GIN1: variants seen among roughly 807,000 people sequenced by gnomAD.
GIN1 encodes gypsy retrotransposon integrase 1, also known as gypsy retrotransposon integrase-like protein 1.
A neutral mutation model predicts 51.4 loss-of-function variants in GIN1; 41 were observed. The ratio of observed to expected loss-of-function variants is 0.80; its 90% CI spans 0.62 to 1.04. The LOEUF (loss-of-function observed/expected upper bound fraction) is 1.04. GIN1 is among the 50% of genes least tolerant of loss of function. GIN1 has a pLI of 0.00. For synonymous variants in GIN1, 222 were observed against 206.5 expected (o/e 1.07, Z -0.64); for missense variants, 610 against 612.4 (o/e 1.00, Z 0.04).
intron 1 of GIN1, among the ~76,000 whole-genome samples, chr5:103,114,105 C>T (rs548625150): frequency 6.6e-6 from 1 of 152,248 alleles, no homozygotes; most frequent in South Asian, 2.1e-4. Flanking sequence ...TTTCTCCAGC[C>T]CCTCATCATA....
At chr5:103,108,030 C>G (rs1554196528) in intron 2 of GIN1, among the ~76,000 whole-genome samples, 1 of 151,998 alleles carries the variant, frequency 6.6e-6, no homozygotes, top group Non-Finnish European at 1.5e-5. Flanking sequence ...TCATGACCTT[C>G]CAAGATAAAT....
intron 3 of GIN1, among the ~76,000 whole-genome samples, chr5:103,106,196 A>G (rs1554196247): frequency 6.6e-6 from 1 of 152,148 alleles, no homozygotes; most frequent in Non-Finnish European, 1.5e-5. Context: ...TGAAGGTCCC[A>G]ATGGGTCATA....
chr5:103,104,922 C>G, intron 3 of GIN1, 76 bp from the exon 4 acceptor site: 1 of 925,842 alleles, frequency 1.1e-6, no homozygotes, highest in Non-Finnish European at 1.6e-6. Context: ...TCTTATAAAT[C>G]TGAATTTTAA....
intron 2 of GIN1, 64 bp downstream of exon 2, chr5:103,108,505 C>G (rs1583129616): frequency 1.7e-6 from 2 of 1,161,546 alleles, no homozygotes; most frequent in East Asian, 4.9e-5. Flanking sequence ...TCCCAAACTT[C>G]CACAAGGAAG....
intron 5 of GIN1, 31 bp from the exon 6 acceptor site, chr5:103,097,521 T>A: frequency 6.7e-7 from 1 of 1,482,484 alleles, no homozygotes; most frequent in Non-Finnish European, 9.3e-7. Flanking sequence ...GTCAATTTTG[T>A]AATAAAACAT....
At chr5:103,103,515 C>G (rs1403896985) in intron 4 of GIN1, among the ~76,000 whole-genome samples, 1 of 152,220 alleles carries the variant, frequency 6.6e-6, no homozygotes, top group Admixed American at 6.5e-5. Context: ...AAGATGCTTT[C>G]AACCAAGTCT....
In GIN1 at chr5:103,086,268, C is replaced by A. The variant is rs1301559356; in HGVS notation, c.*1630G>T. 2 of 152,096 alleles carry A rather than the reference C, an allele frequency of 1.3e-5. No individual in the cohort carries two copies. The highest frequency in any genetic ancestry group is 4.8e-5 in the African/African-American group (2 of 41,402). The allele number at this position is 152,096 out of a possible 1,614,324, so 9.4% of individuals were successfully genotyped here. A position where few individuals can be genotyped will look rare whatever the true frequency, so the allele number is the denominator to read the frequency against. ...GAACACCAGTAATACTGTATTAGAG[C>A]CCACCCTATTGAAATATGATCTCAA... On this transcript the variant is annotated 3_prime_UTR_variant, in exon 8 of 8. Coordinates refer to ENST00000399004, the MANE Select transcript of GIN1 (RefSeq NM_017676.2).
At chr5:103,109,992 G>C (rs150032240) in intron 1 of GIN1, among the ~76,000 whole-genome samples, 2 of 152,180 alleles carry the variant, frequency 1.3e-5, no homozygotes, top group Non-Finnish European at 2.9e-5. Context: ...GAAAGAGGTG[G>C]TCTTTTCAAT....
intron 7 of GIN1, among the ~76,000 whole-genome samples, chr5:103,091,076 A>T (rs145736228): frequency 3.9e-5 from 6 of 152,318 alleles, no homozygotes; most frequent in African/African-American, 1.4e-4. Context: ...TTGTTTACAA[A>T]AAAAATTCTC....
At chr5:103,090,151 T>C (rs995423746) in intron 7 of GIN1, among the ~76,000 whole-genome samples, 6 of 152,170 alleles carry the variant, frequency 3.9e-5, no homozygotes, top group Admixed American at 3.3e-4. Context: ...TAGTCAGGCA[T>C]GGTGGCATGT....
chr5:103,108,661 G>C lies in GIN1; in HGVS notation c.47C>G (p.Ala16Gly). ...ATATTCACCAGTTCGTTTGTAATAT[G>C]CAATCTGTTTAAGATGAAGGTCACC... ...KNGDLHLKQI[A>G]YYKRTGEYHS... Residue 16 changes from alanine (A) to glycine (G), a missense_variant, in exon 2 of 8, where the codon GCA (alanine) becomes GGA (glycine). Transcript: ENST00000399004. 1 of 1,601,884 alleles carries C rather than the reference G, an allele frequency of 6.2e-7. No individual in the cohort carries two copies. Among genetic ancestry groups the C allele is most frequent in the Non-Finnish European group, 8.5e-7 (1 of 1,169,900 alleles).
chr5:103,104,649 T>G lies in GIN1; in HGVS notation c.531A>C (p.Leu177=), dbSNP rs899764891. 82 of 1,607,300 alleles carry G rather than the reference T, an allele frequency of 5.1e-5. No individual in the cohort carries two copies. Among genetic ancestry groups the G allele is most frequent in the Non-Finnish European group, 6.5e-5 (76 of 1,173,924 alleles). ...LFTKWIVILP[L]CDVSASEVSK... ...AAACTTCTGATGCTGAAACATCACA[T>G]AGAGGCAAAATCACAATCCATTTGG... Residue 177 remains leucine (L), a synonymous_variant, in exon 4 of 8, where the codon CTA becomes CTC. Transcript: ENST00000399004.
chr5:103,088,377 A>AT (rs1364232523), intron 7 of GIN1, among the ~76,000 whole-genome samples: 4 of 152,214 alleles, frequency 2.6e-5, no homozygotes, highest in Non-Finnish European at 4.4e-5. Flanking sequence ...TACATAAACA[A>AT]TGCAGGAAAG....
intron 1 of GIN1, among the ~76,000 whole-genome samples, chr5:103,116,612 A>C (rs1554197397): frequency 6.6e-6 from 1 of 152,140 alleles, no homozygotes; most frequent in East Asian, 1.9e-4. Flanking sequence ...TAAAGAAAAA[A>C]TTAAAATTTT....
intron 1 of GIN1, among the ~76,000 whole-genome samples, chr5:103,109,123 T>C (rs1360217064): frequency 5.3e-5 from 8 of 152,008 alleles, no homozygotes; most frequent in Non-Finnish European, 8.8e-5. Context: ...AGAAGAAATA[T>C]AGCTTTATAT....
At position 103,087,756 on chromosome 5, in the gene GIN1, G is replaced by C; in HGVS notation, c.*142C>G. On this transcript the variant is annotated 3_prime_UTR_variant, in exon 8 of 8. Coordinates refer to ENST00000399004, the MANE Select transcript of GIN1 (RefSeq NM_017676.2). Reference sequence around the variant, plus strand: ...GATATTCAAATGTGGCATAATTTTAGATAAGAACTATAAAATAAACCTTCA... The same window carrying C: ...GATATTCAAATGTGGCATAATTTTACATAAGAACTATAAAATAAACCTTCA... The C allele has an allele frequency of 2.0e-6, 1 of 502,800 alleles. No individual in the cohort carries two copies. The highest frequency in any genetic ancestry group is 3.5e-6 in the Non-Finnish European group (1 of 287,534). The allele number at this position is 502,800 out of a possible 1,614,324, so 31.1% of individuals were successfully genotyped here.
In GIN1 at chr5:103,086,872, A is replaced by G. The variant is rs1554193930; in HGVS notation, c.*1026T>C. ...CTTTAGAATAAATATTTATTGAACAATATTTATTTTATATTTATGAATATC... is the reference window on the plus strand; with the variant it reads ...CTTTAGAATAAATATTTATTGAACAGTATTTATTTTATATTTATGAATATC... On this transcript the variant is annotated 3_prime_UTR_variant, in exon 8 of 8. Coordinates refer to ENST00000399004, the MANE Select transcript of GIN1 (RefSeq NM_017676.2). The G allele has an allele frequency of 1.3e-5, 2 of 152,234 alleles. No homozygotes were observed. The allele number at this position is 152,234 out of a possible 1,614,324, so 9.4% of individuals were successfully genotyped here. A position where few individuals can be genotyped will look rare whatever the true frequency, so the allele number is the denominator to read the frequency against.
At chr5:103,095,892 C>A (rs985707554) in intron 7 of GIN1, among the ~76,000 whole-genome samples, 11 of 152,064 alleles carry the variant, frequency 7.2e-5, no homozygotes, top group African/African-American at 2.4e-4. Flanking sequence ...CAACTACACT[C>A]CAGCCTGGGG....
chr5:103,089,420 T>A (rs1164271753), intron 7 of GIN1, among the ~76,000 whole-genome samples: 1 of 151,786 alleles, frequency 6.6e-6, no homozygotes, highest in Non-Finnish European at 1.5e-5. Context: ...TATTTATTTA[T>A]CTTTATTTAC....
Sources: allele counts gnomAD v4.1 joint callset (sites outside exome capture counted in the v4.1 genomes callset), GRCh38; gene constraint gnomAD v4.1.1; transcripts MANE v1.5; gene names NCBI Gene and HGNC (gene_info 2026-07-23, HGNC 2026-07-21).